KCNH7: variants seen among roughly 807,000 people sequenced by gnomAD.
KCNH7 encodes the protein potassium voltage-gated channel subfamily H member 7.
KCNH7 carries 49 observed loss-of-function variants against 120.8 expected under a neutral mutation model. That is an observed-to-expected ratio of 0.41 (90% CI 0.32 to 0.51). The LOEUF (loss-of-function observed/expected upper bound fraction) is 0.51. Among genes scored for constraint, KCNH7 ranks in the 20% least tolerant of loss-of-function variants. The pLI is 0.38. For missense variants in KCNH7, 1,097 were observed against 1,446.6 expected, an observed-to-expected ratio of 0.76 and a Z score of 3.92; for synonymous variants, 547 against 516.1, an observed-to-expected ratio of 1.06 and a Z score of -0.81.
intron 2 of KCNH7, among the ~76,000 whole-genome samples, chr2:162,554,411 C>A (rs962918392): frequency 2.2e-4 from 33 of 151,590 alleles, no homozygotes; most frequent in African/African-American, 7.8e-4. Flanking sequence ...AAATGTTGTC[C>A]TTTTATTATT....
At chr2:162,454,836 G>A (rs1253939655) in intron 6 of KCNH7, among the ~76,000 whole-genome samples, 1 of 151,922 alleles carries the variant, frequency 6.6e-6, no homozygotes, top group Non-Finnish European at 1.5e-5. Context: ...GAAGTGTTTC[G>A]GCTGAGAAGA....
In KCNH7 at chr2:162,423,507, A is replaced by G; in HGVS notation, c.1983T>C (p.Asn661=). The G allele has an allele frequency of 6.2e-7, 1 of 1,613,978 alleles. No individual in the cohort carries two copies. Among genetic ancestry groups the G allele is most frequent in the Non-Finnish European group, 8.5e-7 (1 of 1,179,864 alleles). The change falls in exon 9 of 16, where the codon AAT becomes AAC. Residue 661 remains asparagine (N), a synonymous_variant. Coordinates refer to ENST00000332142, the MANE Select transcript of KCNH7 (RefSeq NM_033272.4). ...GSLMYASIFG[N]VSAIIQRLYS... is the part of the protein sequence containing the mutation. The stretch of plus-strand genomic sequence containing the variant: ...ATAGTCTTTGGATAATTGCAGATAC[A>G]TTCCCAAAAATGCTTGCATACATTA...
At chr2:162,694,104 T>A (rs1457350336) in intron 2 of KCNH7, among the ~76,000 whole-genome samples, 1 of 152,188 alleles carries the variant, frequency 6.6e-6, no homozygotes, top group Non-Finnish European at 1.5e-5. Flanking sequence ...ATTCTCATTC[T>A]GAAAACATTC....
chr2:162,545,678 A>G (rs1291702780), intron 2 of KCNH7, among the ~76,000 whole-genome samples: 1 of 152,204 alleles, frequency 6.6e-6, no homozygotes, highest in East Asian at 1.9e-4. Context: ...ATTGCTAAAT[A>G]AAATATGATA....
chr2:162,479,174 T>G (rs1444561229), intron 6 of KCNH7, among the ~76,000 whole-genome samples: 3 of 148,090 alleles, frequency 2.0e-5, no homozygotes, highest in Non-Finnish European at 4.5e-5. Flanking sequence ...GTGAAAGTCT[T>G]TTTTTTTTTT....
chr2:162,828,311 T>C (rs1685358829), intron 2 of KCNH7, among the ~76,000 whole-genome samples: 1 of 152,186 alleles, frequency 6.6e-6, no homozygotes, highest in South Asian at 2.1e-4. Flanking sequence ...TCTTTGTTAC[T>C]TGTTATAAAA....
At chr2:162,381,885 T>C (rs758546798) in intron 13 of KCNH7, among the ~76,000 whole-genome samples, 2 of 152,104 alleles carry the variant, frequency 1.3e-5, no homozygotes, top group Non-Finnish European at 2.9e-5. Context: ...AACAATAATA[T>C]CTTAGCAAAC....
At chr2:162,450,452 G>A (rs1688731692) in intron 6 of KCNH7, among the ~76,000 whole-genome samples, 1 of 151,966 alleles carries the variant, frequency 6.6e-6, no homozygotes, top group Non-Finnish European at 1.5e-5. Flanking sequence ...CCGTTTAATT[G>A]TCTCATGACT....
At chr2:162,739,510 G>T (rs1396739450) in intron 2 of KCNH7, among the ~76,000 whole-genome samples, 1 of 152,130 alleles carries the variant, frequency 6.6e-6, no homozygotes, top group Non-Finnish European at 1.5e-5. Context: ...ATCCACACCA[G>T]TGGGAACCAT....
chr2:162,532,908 A>G (rs1691976571), intron 3 of KCNH7, among the ~76,000 whole-genome samples: 2 of 151,930 alleles, frequency 1.3e-5, no homozygotes, highest in Non-Finnish European at 2.9e-5. Flanking sequence ...ACTGAATGGC[A>G]GGAGACTAAA....
In KCNH7 at chr2:162,750,103, T is replaced by A. The variant is rs2105429000; in HGVS notation, c.307+86434A>T. ...CACATTAACATGGAGGAGATAAGGA[T>A]GAAAACTTTAAAATCATTAGTGACA... On this transcript the variant is annotated intron_variant, in intron 2 of 15. Transcript: ENST00000332142. 1.3e-5 allele frequency among the ~76,000 whole-genome samples: 2 copies of A among 152,172 alleles called. 1 individual carries two copies. Among genetic ancestry groups the A allele is most frequent in the South Asian group, 4.1e-4 (2 of 4,820 alleles).
intron 2 of KCNH7, among the ~76,000 whole-genome samples, chr2:162,698,807 A>G (rs1441064611): frequency 6.6e-6 from 1 of 152,132 alleles, no homozygotes; most frequent in Non-Finnish European, 1.5e-5. Flanking sequence ...TAGTGCATTT[A>G]AAATACCCCC....
chr2:162,666,403 A>G (rs905864458), intron 2 of KCNH7, among the ~76,000 whole-genome samples: 1 of 150,388 alleles, frequency 6.6e-6, no homozygotes, highest in Non-Finnish European at 1.5e-5. Flanking sequence ...CCATTTCACA[A>G]TACTTTTGAG....
intron 2 of KCNH7, among the ~76,000 whole-genome samples, chr2:162,641,819 A>ACTAGTTTTGCAAAATGTTATCATTGG (rs1311774105): frequency 6.6e-6 from 1 of 152,200 alleles, no homozygotes; most frequent in African/African-American, 2.4e-5. Flanking sequence ...ATTGGTGGAA[A>ACTAGTTTTGCAAAATGTTATCATTGG]TGGGATCTCT....
At chr2:162,572,996 A>T (rs1038740605) in intron 2 of KCNH7, among the ~76,000 whole-genome samples, 2 of 152,130 alleles carry the variant, frequency 1.3e-5, no homozygotes, top group African/African-American at 2.4e-5. Flanking sequence ...ATGTATACAT[A>T]TGTAACTAAC....
intron 2 of KCNH7, among the ~76,000 whole-genome samples, chr2:162,545,914 C>G (rs1174162879): frequency 1.3e-5 from 2 of 152,132 alleles, no homozygotes; most frequent in Non-Finnish European, 2.9e-5. Flanking sequence ...TGACTACCAC[C>G]CATTTTCATT....
rs774540344 is a variant in KCNH7, at chr2:162,662,674, C to T, written c.308-125594G>A. On this transcript the variant is annotated intron_variant, in intron 2 of 15. Coordinates refer to ENST00000332142, the MANE Select transcript of KCNH7 (RefSeq NM_033272.4). ...TCCTTTAGAGGTCCTCTGTGATCAC[C>T]CTCCTTTCTTTGATCTCAGTAAACT... 9.2e-5 allele frequency among the ~76,000 whole-genome samples: 14 copies of T among 152,114 alleles called. 1 individual carries two copies. The highest frequency in any genetic ancestry group is 3.9e-4 in the East Asian group (2 of 5,182).
chr2:162,761,683 G>C (rs1688971994), intron 2 of KCNH7, among the ~76,000 whole-genome samples: 1 of 152,216 alleles, frequency 6.6e-6, no homozygotes, highest in East Asian at 1.9e-4. Context: ...TCTTATCTAA[G>C]TCAGGCAGTC....
chr2:162,477,812 ACATCTATCCATCCATCCATC>A (rs1164562590), intron 6 of KCNH7, among the ~76,000 whole-genome samples: 1 of 133,680 alleles, frequency 7.5e-6, no homozygotes, highest in East Asian at 2.1e-4. Context: ...TTCTGCCCAA[ACATCTATCCATCCATCCATC>A]CATCCATCCA....
Sources: gnomAD v4.1 joint callset for allele counts (sites outside exome capture counted in the v4.1 genomes callset) on GRCh38, gnomAD v4.1.1 for gene constraint, MANE v1.5 for transcripts, NCBI Gene and HGNC (gene_info 2026-07-23, HGNC 2026-07-21) for gene names.